OSBPL8: variants seen among roughly 807,000 people sequenced by gnomAD.
OSBPL8 encodes oxysterol binding protein like 8, also known as oxysterol-binding protein-related protein 8.
Under a neutral mutation model 125.5 loss-of-function variants are expected in OSBPL8, and 59 were observed. The ratio of observed to expected loss-of-function variants is 0.47; its 90% CI spans 0.38 to 0.58. The LOEUF is 0.58. Among genes scored for constraint, OSBPL8 ranks in the 20% least tolerant of loss-of-function variants. The probability of loss-of-function intolerance (pLI) is 0.00; values close to 1 mark genes in which losing one functional copy is unlikely to be tolerated. For missense variants in OSBPL8, 758 were observed against 1,047.8 expected (o/e 0.72, Z 3.82); for synonymous variants, 330 against 338.9 (o/e 0.97, Z 0.29).
At chr12:76,462,216 T>C (rs1874828088) in intron 2 of OSBPL8, among the ~76,000 whole-genome samples, 1 of 152,200 alleles carries the variant, frequency 6.6e-6, no homozygotes, top group Non-Finnish European at 1.5e-5. Flanking sequence ...TCTGTTATAT[T>C]CTCATATTTT....
At chr12:76,499,609 A>G (rs34403421) in intron 1 of OSBPL8, among the ~76,000 whole-genome samples, 77,209 of 151,902 alleles carry the variant, frequency 0.51, 21,388 homozygotes, top group African/African-American at 0.72. Flanking sequence ...CCAGCACTTC[A>G]GGAGGCTGAG....
chr12:76,515,717 TGTC>T (rs1417917005), intron 1 of OSBPL8, among the ~76,000 whole-genome samples: 2 of 152,156 alleles, frequency 1.3e-5, no homozygotes, highest in East Asian at 3.9e-4. Flanking sequence ...CCTGCCTCTG[TGTC>T]GCTTCTGGGT....
chr12:76,400,041 G>A, intron 6 of OSBPL8, 67 bp from the exon 7 acceptor site: 1 of 1,201,460 alleles, frequency 8.3e-7, no homozygotes, highest in Non-Finnish European at 1.2e-6. Context: ...TTAAGTTCAG[G>A]GGTACAAATG....
chr12:76,535,777 G>A (rs548067250), intron 1 of OSBPL8, among the ~76,000 whole-genome samples: 2 of 152,218 alleles, frequency 1.3e-5, no homozygotes, highest in South Asian at 2.1e-4. Context: ...CCAGACAAGA[G>A]TACATACTCT....
chr12:76,380,295 T>C (rs1386994919), intron 15 of OSBPL8, among the ~76,000 whole-genome samples: 2 of 152,184 alleles, frequency 1.3e-5, no homozygotes, highest in Non-Finnish European at 2.9e-5. Context: ...TGGATCTTCT[T>C]TAATTTTCCT....
rs1306732144 is a variant in OSBPL8, at chr12:76,355,958, T to C, written c.2601A>G (p.Gln867=). 1 of 1,613,398 alleles carries C rather than the reference T, an allele frequency of 6.2e-7. No homozygotes were observed. The highest frequency in any genetic ancestry group is 8.5e-7 in the Non-Finnish European group (1 of 1,179,460). Reference sequence around the variant, plus strand: ...GGAAAATGATGAAGTAGTCTTTTTGTTGCAGAAAATAATCCGTGGCCGGTG... The same window carrying C: ...GGAAAATGATGAAGTAGTCTTTTTGCTGCAGAAAATAATCCGTGGCCGGTG... ...SSTPATDYFL[Q]QKDYFIIFLL... The change falls in exon 24 of 24, where the codon CAA becomes CAG. Residue 867 remains glutamine, a synonymous_variant. Transcript: ENST00000261183.
intron 3 of OSBPL8, among the ~76,000 whole-genome samples, chr12:76,456,225 CTTTTCTTCTA>C (rs1409597886): frequency 1.3e-5 from 2 of 152,066 alleles, no homozygotes; most frequent in Non-Finnish European, 2.9e-5. Context: ...CCTATATCTC[CTTTTCTTCTA>C]AGGTATACAT....
At chr12:76,479,768 T>C (rs987804191) in intron 2 of OSBPL8, among the ~76,000 whole-genome samples, 39 of 152,348 alleles carry the variant, frequency 2.6e-4, no homozygotes, top group African/African-American at 8.9e-4. Flanking sequence ...ATCGTGTTTT[T>C]TCAATAAATT....
chr12:76,417,557 C>G (rs1283971470), intron 4 of OSBPL8, among the ~76,000 whole-genome samples: 1 of 152,082 alleles, frequency 6.6e-6, no homozygotes, highest in Non-Finnish European at 1.5e-5. Flanking sequence ...TTTTCCCTCC[C>G]TGCTGTATCC....
intron 4 of OSBPL8, among the ~76,000 whole-genome samples, chr12:76,430,326 G>A (rs1263273783): frequency 2.0e-5 from 3 of 152,048 alleles, no homozygotes; most frequent in Non-Finnish European, 4.4e-5. Context: ...TAGCAGATCC[G>A]ACAGAACCAG....
chr12:76,380,227 T>C (rs1442349034), intron 15 of OSBPL8, among the ~76,000 whole-genome samples: 1 of 152,226 alleles, frequency 6.6e-6, no homozygotes. Context: ...GGGAGCTCTA[T>C]TATCTTAACA....
intron 4 of OSBPL8, among the ~76,000 whole-genome samples, chr12:76,432,660 C>T (rs1044323624): frequency 3.4e-4 from 52 of 151,630 alleles, no homozygotes; most frequent in Non-Finnish European, 1.2e-4. Flanking sequence ...ACAAACTAAG[C>T]CCAAAATTAG....
At chr12:76,506,413 A>C (rs907854285) in intron 1 of OSBPL8, among the ~76,000 whole-genome samples, 3 of 152,218 alleles carry the variant, frequency 2.0e-5, no homozygotes, top group Non-Finnish European at 4.4e-5. Context: ...ATTTAAAACC[A>C]TAACATTGAA....
intron 2 of OSBPL8, among the ~76,000 whole-genome samples, chr12:76,481,937 T>C (rs74103478): frequency 3.5e-4 from 54 of 152,376 alleles, no homozygotes; most frequent in Middle Eastern, 3.4e-3. Context: ...ACAGCAATTT[T>C]ACTTTATGAT....
intron 2 of OSBPL8, among the ~76,000 whole-genome samples, chr12:76,464,122 G>GC (rs1035339263): frequency 3.9e-5 from 6 of 152,200 alleles, no homozygotes. Context: ...AGTTTATTCA[G>GC]AAAAAGGTCA....
chr12:76,374,157 TAGC>T (rs746769321), intron 17 of OSBPL8, among the ~76,000 whole-genome samples: 9 of 152,200 alleles, frequency 5.9e-5, no homozygotes, highest in Non-Finnish European at 1.2e-4. Context: ...GATATCAACA[TAGC>T]AGCAATTTAG....
At chr12:76,357,858 T>G (rs1356206690) in intron 22 of OSBPL8, among the ~76,000 whole-genome samples, 3 of 152,112 alleles carry the variant, frequency 2.0e-5, no homozygotes, top group Non-Finnish European at 4.4e-5. Flanking sequence ...GCTTAAAGTT[T>G]TTTTTTTTTT....
intron 15 of OSBPL8, among the ~76,000 whole-genome samples, chr12:76,383,373 A>T (rs1953144805): frequency 7.3e-6 from 1 of 136,106 alleles, no homozygotes; most frequent in Non-Finnish European, 1.5e-5. Context: ...AGCAATCACC[A>T]TCTTAAACAA....
At chr12:76,479,693 A>G (rs1460777434) in intron 2 of OSBPL8, among the ~76,000 whole-genome samples, 1 of 152,222 alleles carries the variant, frequency 6.6e-6, no homozygotes, top group African/African-American at 2.4e-5. Flanking sequence ...TAAGGGACTG[A>G]TGAACACCTT....
Sources: allele counts gnomAD v4.1 joint callset (sites outside exome capture counted in the v4.1 genomes callset), GRCh38; gene constraint gnomAD v4.1.1; transcripts MANE v1.5; gene names NCBI Gene and HGNC (gene_info 2026-07-23, HGNC 2026-07-21).